Variants in NRP1 observed in about 807,000 individuals in gnomAD.
The protein encoded by NRP1 is neuropilin-1.
NRP1 carries 35 observed loss-of-function variants against 106.7 expected under a neutral mutation model. That is an observed-to-expected ratio of 0.33 (90% confidence interval 0.25 to 0.43). The LOEUF is 0.43. NRP1 is among the 20% of genes least tolerant of loss of function. The pLI is 1.00. For missense variants in NRP1, 1,024 were observed against 1,170.4 expected, an observed-to-expected ratio of 0.87 and a Z score of 1.83; for synonymous variants, 437 against 417.9, an observed-to-expected ratio of 1.05 and a Z score of -0.56.
intron 6 of NRP1, among the ~76,000 whole-genome samples, chr10:33,246,943 C>A (rs1475706197): frequency 6.6e-6 from 1 of 152,052 alleles, no homozygotes; most frequent in African/African-American, 2.4e-5. Flanking sequence ...CTGTGAGAAA[C>A]CAGCAATTTG....
chr10:33,327,506 C>T (rs1034371186), intron 2 of NRP1, among the ~76,000 whole-genome samples: 1 of 152,174 alleles, frequency 6.6e-6, no homozygotes, highest in Non-Finnish European at 1.5e-5. Flanking sequence ...GTGGTTTTAA[C>T]TGTGCCTAGT....
At chr10:33,326,494 A>AG in intron 2 of NRP1, among the ~76,000 whole-genome samples, 1 of 152,204 alleles carries the variant, frequency 6.6e-6, no homozygotes, top group Non-Finnish European at 1.5e-5. Context: ...TTCTTCGGTC[A>AG]GAGCATTCTC....
Position 33,182,710 on chromosome 10 carries a change from T to A in NRP1, c.2470A>T (p.Ile824Phe). 6.2e-7 allele frequency: 1 copy of A among 1,612,894 alleles called. No individual in the cohort carries two copies. Among genetic ancestry groups the A allele is most frequent in the East Asian group, 2.2e-5 (1 of 44,882 alleles). ...AAGACAAATTTACCTGTTTCATCAA[T>A]TTTAATTTCTGGGTTCTTTTTATCC... Reference protein sequence around the residue: ...DLDKKNPEIKIDETGSTPGYE... With the variant: ...DLDKKNPEIKFDETGSTPGYE... Residue 824 changes from isoleucine to phenylalanine, a missense_variant, in exon 16 of 17, where the codon ATT (isoleucine) becomes TTT (phenylalanine). This residue lies in a region of NRP1 where 164 missense variants were observed against 161.4 expected (regional missense o/e 1.02). Transcript: ENST00000374867.
chr10:33,181,430 A>G (rs933172223), intron 16 of NRP1, among the ~76,000 whole-genome samples: 6 of 152,304 alleles, frequency 3.9e-5, no homozygotes, highest in African/African-American at 7.2e-5. Flanking sequence ...ATTTGTCTCT[A>G]TGAAGTCCAC....
intron 7 of NRP1, among the ~76,000 whole-genome samples, chr10:33,223,990 T>C (rs939207187): frequency 1.3e-5 from 2 of 152,040 alleles, no homozygotes; most frequent in African/African-American, 2.4e-5. Context: ...CTCTCCAACA[T>C]GAAGAGGGTT....
chr10:33,230,831 T>C (rs974767529), intron 6 of NRP1, among the ~76,000 whole-genome samples: 1 of 152,164 alleles, frequency 6.6e-6, no homozygotes, highest in Non-Finnish European at 1.5e-5. Flanking sequence ...TATTAATGCC[T>C]TTTTTCCTGT....
chr10:33,313,802 A>T (rs1349940751), intron 2 of NRP1, among the ~76,000 whole-genome samples: 3 of 152,348 alleles, frequency 2.0e-5, no homozygotes, highest in Middle Eastern at 3.4e-3. Context: ...GACATGGTCC[A>T]CACAGGACGG....
chr10:33,296,364 G>C (rs1015152938), intron 2 of NRP1, among the ~76,000 whole-genome samples: 3 of 152,064 alleles, frequency 2.0e-5, no homozygotes, highest in Admixed American at 6.6e-5. Context: ...TACTTTAAGT[G>C]GTTTTAGGAA....
chr10:33,225,667 T>A (rs1175742689), intron 7 of NRP1, among the ~76,000 whole-genome samples: 12 of 152,206 alleles, frequency 7.9e-5, no homozygotes, highest in Admixed American at 7.9e-4. Context: ...CCACGCGTTC[T>A]TACAAGAAGC....
intron 6 of NRP1, among the ~76,000 whole-genome samples, chr10:33,228,420 G>A (rs563301567): frequency 6.6e-6 from 1 of 152,094 alleles, no homozygotes; most frequent in South Asian, 2.1e-4. Context: ...AATAAAAAAA[G>A]CCAACCCCCT....
intron 6 of NRP1, among the ~76,000 whole-genome samples, chr10:33,228,924 A>T (rs1839892960): frequency 6.6e-6 from 1 of 152,224 alleles, no homozygotes; most frequent in Admixed American, 6.5e-5. Context: ...AAGTGCCTAC[A>T]CTTGTTTACC....
chr10:33,301,664 A>C (rs751933488), intron 2 of NRP1, among the ~76,000 whole-genome samples: 3 of 152,164 alleles, frequency 2.0e-5, no homozygotes, highest in African/African-American at 2.4e-5. Context: ...TGGTGTCAGG[A>C]GAGGAATTAA....
intron 15 of NRP1, among the ~76,000 whole-genome samples, chr10:33,184,203 A>T (rs565140626): frequency 1.3e-5 from 2 of 151,984 alleles, no homozygotes; most frequent in African/African-American, 4.8e-5. Context: ...TTTAGTAGAG[A>T]TGGGGTTTTG....
chr10:33,221,755 A>G lies in NRP1; in HGVS notation c.1246T>C (p.Ser416Pro), dbSNP rs1295915647. ...CAACCGTATACTTCAAATCTCATAG[A>G]TATGCCAGTTTCCCAAGTTGCAGGC... is the stretch of plus-strand genomic sequence containing the variant. ...IKPATWETGI[S>P]MRFEVYGCKI... Residue 416 changes from serine to proline, a missense_variant, in exon 8 of 17, where the codon TCT becomes CCT. Transcript: ENST00000374867. 1 of 1,614,040 alleles carries G rather than the reference A, an allele frequency of 6.2e-7. No homozygotes were observed. Among genetic ancestry groups the G allele is most frequent in the Non-Finnish European group, 8.5e-7 (1 of 1,180,014 alleles).
At chr10:33,194,773 C>T in intron 12 of NRP1, 1 of 525,288 alleles carries the variant, frequency 1.9e-6, no homozygotes, top group South Asian at 1.4e-5. Context: ...TGGAAACTTC[C>T]AGCCTGGCTA....
At chr10:33,211,987 G>C (rs532004304) in intron 9 of NRP1, 1 of 152,158 alleles carries the variant, frequency 6.6e-6, no homozygotes, top group African/African-American at 2.4e-5. Context: ...TCCTAAACCA[G>C]CTTCTGGGCC....
At chr10:33,319,924 C>G in intron 2 of NRP1, among the ~76,000 whole-genome samples, 1 of 152,030 alleles carries the variant, frequency 6.6e-6, no homozygotes. Context: ...ACTCTCACTG[C>G]GAAAGTCCCC....
intron 11 of NRP1, chr10:33,202,550 G>C (rs1837402629): frequency 3.6e-6 from 5 of 1,397,242 alleles, no homozygotes; most frequent in Middle Eastern, 2.5e-4. Flanking sequence ...GTTACGTAGG[G>C]GTGGTGCACG....
Position 33,186,392 on chromosome 10 carries a change from T to G in NRP1, c.2159A>C (p.His720Pro). ...CATGTGATACCAGAAGGTCATGCAG[T>G]GGGCAGAGTTCTGGGAATAAACCAC... ...SPVVYSQNSA[H>P]CMTFWYHMSG... The change falls in exon 14 of 17, where the codon CAC becomes CCC. Residue 720 changes from histidine to proline, a missense_variant. Physicochemically the swap from His to Pro is moderately conservative, Grantham distance 77 (BLOSUM62 -2). This residue lies in a region of NRP1 where 562 missense variants were observed against 620.3 expected (regional missense o/e 0.91). Transcript: ENST00000374867. 6.2e-7 allele frequency: 1 copy of G among 1,614,164 alleles called. No homozygotes were observed. The highest frequency in any genetic ancestry group is 8.5e-7 in the Non-Finnish European group (1 of 1,180,028).
Sources: gnomAD v4.1 joint callset for allele counts (sites outside exome capture counted in the v4.1 genomes callset) on GRCh38, gnomAD v4.1.1 for gene constraint, gnomAD v4.1.1 regional missense constraint, MANE v1.5 for transcripts, NCBI Gene and HGNC (gene_info 2026-07-23, HGNC 2026-07-21) for gene names.